CADM1: variants seen among roughly 807,000 people sequenced by gnomAD.
CADM1 encodes the protein cell adhesion molecule 1.
A neutral mutation model predicts 53.1 loss-of-function variants in CADM1; 15 were observed. The observed-to-expected ratio is 0.28, with a 90% CI of 0.19 to 0.44. CADM1 has a LOEUF of 0.44. Among genes scored for constraint, CADM1 ranks in the 20% least tolerant of loss-of-function variants. The pLI, the probability that CADM1 is intolerant of heterozygous loss-of-function variation, is 1.00. For synonymous variants in CADM1, 281 were observed against 243.0 expected, an observed-to-expected ratio of 1.16 and a Z score of -1.45; for missense variants, 434 against 611.3, an observed-to-expected ratio of 0.71 and a Z score of 3.06.
At chr11:115,422,753 T>C (rs189357794) in intron 1 of CADM1, among the ~76,000 whole-genome samples, 2 of 152,318 alleles carry the variant, frequency 1.3e-5, no homozygotes, top group East Asian at 1.9e-4. Flanking sequence ...TAACATTAAA[T>C]ATTTAATGTG....
At chr11:115,484,635 A>G (rs1949330311) in intron 1 of CADM1, among the ~76,000 whole-genome samples, 1 of 152,158 alleles carries the variant, frequency 6.6e-6, no homozygotes, top group Non-Finnish European at 1.5e-5. Context: ...GGTATGCTAC[A>G]GTGAGAAATG....
intron 1 of CADM1, among the ~76,000 whole-genome samples, chr11:115,282,239 A>G (rs1416136797): frequency 6.6e-6 from 1 of 152,154 alleles, no homozygotes; most frequent in Non-Finnish European, 1.5e-5. Flanking sequence ...TATTTTGCAG[A>G]TGAAGAAAAT....
intron 1 of CADM1, among the ~76,000 whole-genome samples, chr11:115,314,958 G>T (rs1034868337): frequency 1.3e-5 from 2 of 152,140 alleles, no homozygotes; most frequent in Non-Finnish European, 2.9e-5. Flanking sequence ...TTCATGAAAT[G>T]TTAAAAATTC....
At chr11:115,407,000 C>G (rs1415452763) in intron 1 of CADM1, among the ~76,000 whole-genome samples, 2 of 151,656 alleles carry the variant, frequency 1.3e-5, no homozygotes, top group Non-Finnish European at 2.9e-5. Context: ...AATGCCCCCA[C>G]AGTTGAAGCA....
intron 1 of CADM1, among the ~76,000 whole-genome samples, chr11:115,471,234 C>G (rs1293433167): frequency 6.6e-6 from 1 of 152,128 alleles, no homozygotes; most frequent in South Asian, 2.1e-4. Flanking sequence ...TTTGGGGGAA[C>G]ACATGTCTGT....
At chr11:115,446,553 T>C (rs1948454923) in intron 1 of CADM1, among the ~76,000 whole-genome samples, 1 of 152,114 alleles carries the variant, frequency 6.6e-6, no homozygotes, top group African/African-American at 2.4e-5. Flanking sequence ...GATTAAAGAA[T>C]GGATAAAAGA....
chr11:115,283,235 G>C (rs1943634417), intron 1 of CADM1, among the ~76,000 whole-genome samples: 1 of 152,212 alleles, frequency 6.6e-6, no homozygotes, highest in African/African-American at 2.4e-5. Context: ...TACGCAAAAA[G>C]AGGTGATGGT....
intron 1 of CADM1, among the ~76,000 whole-genome samples, chr11:115,400,225 G>A (rs941251357): frequency 6.6e-6 from 1 of 152,028 alleles, no homozygotes; most frequent in Non-Finnish European, 1.5e-5. Context: ...AACAGTGTAC[G>A]TGTGTGTCTG....
chr11:115,494,820 T>C (rs1213323507), intron 1 of CADM1, among the ~76,000 whole-genome samples: 1 of 152,156 alleles, frequency 6.6e-6, no homozygotes, highest in Non-Finnish European at 1.5e-5. Context: ...TGTTCATATA[T>C]ATTATTTTAT....
intron 1 of CADM1, among the ~76,000 whole-genome samples, chr11:115,430,490 A>G (rs931259557): frequency 6.6e-6 from 1 of 152,242 alleles, no homozygotes; most frequent in Non-Finnish European, 1.5e-5. Context: ...ACATCAAAGC[A>G]AAAGAGTCCT....
chr11:115,486,874 TC>T (rs34728445), intron 1 of CADM1, among the ~76,000 whole-genome samples: 44,254 of 152,004 alleles, frequency 0.29, 7,106 homozygotes, highest in East Asian at 0.58. Context: ...GCATCCCCAC[TC>T]CAGGCTAGCT....
At chr11:115,336,857 T>C (rs1945280391) in intron 1 of CADM1, among the ~76,000 whole-genome samples, 1 of 152,192 alleles carries the variant, frequency 6.6e-6, no homozygotes, top group South Asian at 2.1e-4. Flanking sequence ...ATTGAACTTA[T>C]TCTGTCTGGT....
At chr11:115,185,874 C>A (rs1347542506) in intron 10 of CADM1, among the ~76,000 whole-genome samples, 2 of 152,156 alleles carry the variant, frequency 1.3e-5, no homozygotes, top group Non-Finnish European at 2.9e-5. Context: ...CTTCAGTGGA[C>A]CTCAGGCATT....
chr11:115,174,427 A>G lies in CADM1; in HGVS notation c.*2047T>C, dbSNP rs2134563752. 1 of 985,824 alleles carries G rather than the reference A, an allele frequency of 1.0e-6. No homozygotes were observed. Among genetic ancestry groups the G allele is most frequent in the East Asian group, 1.1e-4 (1 of 8,818 alleles). The allele number at this position is 985,824 out of a possible 1,614,324, so 61.1% of individuals were successfully genotyped here. A position where few individuals can be genotyped will look rare whatever the true frequency, so the allele number is the denominator to read the frequency against. Reference sequence around the variant, plus strand: ...TCGGAATAGAGCTGCAGATTATAAAATTCATTGAAAAAGGGATGTTCATTG... The same window carrying G: ...TCGGAATAGAGCTGCAGATTATAAAGTTCATTGAAAAAGGGATGTTCATTG... On this transcript the variant is annotated 3_prime_UTR_variant, in exon 12 of 12. Coordinates refer to ENST00000331581, the MANE Select transcript of CADM1 (RefSeq NM_001301043.2).
chr11:115,395,037 G>A (rs1946959299), intron 1 of CADM1, among the ~76,000 whole-genome samples: 1 of 152,120 alleles, frequency 6.6e-6, no homozygotes, highest in African/African-American at 2.4e-5. Flanking sequence ...ATACACGTGT[G>A]ATATTTAGAC....
chr11:115,180,725 G>C (rs12793500), intron 10 of CADM1, among the ~76,000 whole-genome samples: 5,286 of 151,978 alleles, frequency 0.035, 181 homozygotes, highest in Admixed American at 0.091. Flanking sequence ...GGAGGAGAGC[G>C]CTTGACACAC....
At chr11:115,378,907 G>T (rs1279701400) in intron 1 of CADM1, among the ~76,000 whole-genome samples, 1 of 152,126 alleles carries the variant, frequency 6.6e-6, no homozygotes, top group Non-Finnish European at 1.5e-5. Flanking sequence ...AGTAGAATGA[G>T]ACCTAAATTC....
intron 3 of CADM1, among the ~76,000 whole-genome samples, chr11:115,237,746 G>A (rs1942061345): frequency 6.6e-6 from 1 of 152,126 alleles, no homozygotes; most frequent in South Asian, 2.1e-4. Context: ...GTCTAAAGGT[G>A]ACTAATTCAG....
At chr11:115,354,881 A>G (rs1349090933) in intron 1 of CADM1, among the ~76,000 whole-genome samples, 1 of 152,244 alleles carries the variant, frequency 6.6e-6, no homozygotes, top group African/African-American at 2.4e-5. Context: ...ATAAGATTTT[A>G]TGCATTCATT....
Sources: allele counts gnomAD v4.1 joint callset (sites outside exome capture counted in the v4.1 genomes callset), GRCh38; gene constraint gnomAD v4.1.1; transcripts MANE v1.5; gene names NCBI Gene and HGNC (gene_info 2026-07-23, HGNC 2026-07-21).